NACC2: variants seen among roughly 807,000 people sequenced by gnomAD.
NACC2 encodes the protein NACC family member 2, also known as nucleus accumbens-associated protein 2.
A neutral mutation model predicts 25.1 loss-of-function variants in NACC2; 8 were observed. The observed-to-expected ratio is 0.32, with a 90% CI of 0.19 to 0.57. NACC2 has a LOEUF of 0.57. Ranked by LOEUF, NACC2 falls within the 20% of genes least tolerant of loss-of-function variation. The pLI is 0.89. For missense variants in NACC2, 644 were observed against 650.2 expected, an observed-to-expected ratio of 0.99 and a Z score of 0.10; for synonymous variants, 435 against 294.7, an observed-to-expected ratio of 1.48 and a Z score of -4.88.
At chr9:136,072,770 A>C (rs1467044666) in intron 1 of NACC2, among the ~76,000 whole-genome samples, 1 of 152,154 alleles carries the variant, frequency 6.6e-6, no homozygotes, top group Non-Finnish European at 1.5e-5. Context: ...GAACCACTTG[A>C]ACTCAGGAGG....
chr9:136,079,665 G>A (rs11103317), intron 1 of NACC2, among the ~76,000 whole-genome samples: 127,809 of 152,210 alleles, frequency 0.84, 54,076 homozygotes, highest in East Asian at 0.99. Flanking sequence ...TGCCGTGGCC[G>A]GCACTCCCCG....
At chr9:136,081,297 T>C (rs894304778) in intron 1 of NACC2, among the ~76,000 whole-genome samples, 2 of 151,986 alleles carry the variant, frequency 1.3e-5, no homozygotes, top group Non-Finnish European at 2.9e-5. Flanking sequence ...GCTTGAACTG[T>C]AGAGTAACCG....
At position 136,050,087 on chromosome 9, in the gene NACC2, G is replaced by A. The variant is rs1840797022; in HGVS notation, c.435C>T (p.Pro145=). ...IEDAGSEPQS[P]CNQLQPAAAA... ...CGGCGGCCGGCTGCAGCTGGTTGCA[G>A]GGGCTCTGGGGCTCGGAGCCGGCGT... The change falls in exon 2 of 6, where the codon CCC becomes CCT. Residue 145 remains proline (P), a synonymous_variant. Coordinates refer to ENST00000277554, the MANE Select transcript of NACC2 (RefSeq NM_144653.5). 5.4e-6 allele frequency: 4 copies of A among 746,530 alleles called. No individual in the cohort carries two copies. The highest frequency in any genetic ancestry group is 4.9e-5 in the East Asian group (2 of 40,466). The allele number at this position is 746,530 out of a possible 1,614,324, so 46.2% of individuals were successfully genotyped here. A position where few individuals can be genotyped will look rare whatever the true frequency, so the allele number is the denominator to read the frequency against.
In NACC2 at chr9:136,049,947, G is replaced by A. The variant is rs1175687726; in HGVS notation, c.575C>T (p.Pro192Leu). Residue 192 changes from proline (P) to leucine (L), a missense_variant, in exon 2 of 6, where the codon CCG becomes CTG. Pro to Leu is a moderately conservative substitution (Grantham distance 98, BLOSUM62 -3). Coordinates refer to ENST00000277554, the MANE Select transcript of NACC2 (RefSeq NM_144653.5). ...GCCGTCCCGGGGCCCCGTCTCCAGC[G>A]GGCGCTTGGGGGCCAGGCCTGGGCC... is the stretch of plus-strand genomic sequence containing the variant. ...PAGPGLAPKR[P>L]LETGPRDGVA... is the part of the protein sequence containing the mutation. 6 of 585,238 alleles carry A rather than the reference G, an allele frequency of 1.0e-5. No individual in the cohort carries two copies. The highest frequency in any genetic ancestry group is 9.0e-5 in the East Asian group (3 of 33,270). 36.3% of individuals were successfully genotyped at this position (585,238 alleles called of 1,614,324 possible). A position where few individuals can be genotyped will look rare whatever the true frequency, so the allele number is the denominator to read the frequency against.
chr9:136,056,919 G>T (rs376075642), intron 1 of NACC2, among the ~76,000 whole-genome samples: 1 of 152,216 alleles, frequency 6.6e-6, no homozygotes, highest in African/African-American at 2.4e-5. Context: ...ACAATTCCGT[G>T]TATCAGCCCT....
At position 136,011,957 on chromosome 9, in the gene NACC2, G is replaced by A. The variant is rs745480538; in HGVS notation, c.1323C>T (p.Cys441=). 6.2e-7 allele frequency: 1 copy of A among 1,606,072 alleles called. No homozygotes were observed. The highest frequency in any genetic ancestry group is 1.1e-5 in the South Asian group (1 of 90,312). The part of the protein sequence containing the change: ...SEMNVIAADM[C]TNARRVRKRW... ...GCTTGCGAACGCGGCGGGCGTTGGTGCACATGTCCGCGGCGATCACGTTCA... is the reference window on the plus strand; with the variant it reads ...GCTTGCGAACGCGGCGGGCGTTGGTACACATGTCCGCGGCGATCACGTTCA... The change falls in exon 6 of 6, where the codon TGC becomes TGT. Residue 441 remains cysteine (C), a synonymous_variant. Transcript: ENST00000277554.
rs1830363335 is a variant in NACC2 at position 136,084,968 on chromosome 9, G to T, written c.-60+10221C>A. Among the ~76,000 whole-genome samples, 1 of 152,146 alleles carries T rather than the reference G, an allele frequency of 6.6e-6. No homozygotes were observed. The highest frequency in any genetic ancestry group is 2.4e-5 in the African/African-American group (1 of 41,426). On this transcript the variant is annotated intron_variant, in intron 1 of 5. Transcript: ENST00000277554. The surrounding 1 kb of genome is among the most constrained non-coding windows in gnomAD (Gnocchi z 5.1). ...TGTGTCTAATGGGGAAAGGGGTTCA[G>T]TTTGGGCAGATGAAACAGTTCTAGA...
At chr9:136,036,804 G>A (rs1317047510) in intron 2 of NACC2, among the ~76,000 whole-genome samples, 2 of 152,102 alleles carry the variant, frequency 1.3e-5, no homozygotes, top group Non-Finnish European at 2.9e-5. Flanking sequence ...ACTTCTAGAG[G>A]GTAAGGGGCA....
intron 1 of NACC2, among the ~76,000 whole-genome samples, chr9:136,083,467 G>A (rs1830346340): frequency 6.6e-6 from 1 of 152,228 alleles, no homozygotes; most frequent in African/African-American, 2.4e-5. Context: ...CCCCAAACTC[G>A]AATGTGACTG....
intron 1 of NACC2, among the ~76,000 whole-genome samples, chr9:136,087,070 G>A (rs1830386883): frequency 6.6e-6 from 1 of 152,258 alleles, no homozygotes; most frequent in Admixed American, 6.5e-5. Flanking sequence ...GGACACAGAT[G>A]CACAGAAGGA....
intron 2 of NACC2, among the ~76,000 whole-genome samples, chr9:136,023,103 AGGGAGGAGGGAGG>A (rs1564220770): frequency 5.0e-5 from 3 of 59,992 alleles, no homozygotes; most frequent in African/African-American, 6.6e-5. Context: ...GGGAAGAGGG[AGGGAGGAGGGAGG>A]GGGAGGAGGG....
At position 136,022,008 on chromosome 9, in the gene NACC2, G is replaced by A. The variant is rs989731625; in HGVS notation, c.887-5579C>T. Among the ~76,000 whole-genome samples the A allele has an allele frequency of 1.4e-4, 21 of 152,292 alleles. No homozygotes were observed. Among genetic ancestry groups the A allele is most frequent in the Admixed American group, 1.2e-3 (19 of 15,300 alleles). ...GAGCCATTGTGAATGAGGAAAGGTC[G>A]GGCTACACACCTGTCCCCACGGGGG... On this transcript the variant is annotated intron_variant, in intron 2 of 5. Transcript: ENST00000277554. This position sits in a 1 kb window ranked among gnomAD's most constrained non-coding sequence, Gnocchi z 4.4.
chr9:136,011,356 TTTCC>T lies in NACC2; in HGVS notation c.*156_*159del. On this transcript the variant is annotated 3_prime_UTR_variant, in exon 6 of 6. Transcript: ENST00000277554. The stretch of plus-strand genomic sequence containing the variant: ...GTTTACAGTATAATGAATGCATTTG[TTTCC>T]TTCATCAATTTTAAATACAAGCAGA... 2 of 827,048 alleles carry T rather than the reference TTTCC, an allele frequency of 2.4e-6. No individual in the cohort carries two copies. Among genetic ancestry groups the T allele is most frequent in the Non-Finnish European group, 3.3e-6 (2 of 604,466 alleles). The allele number at this position is 827,048 out of a possible 1,614,324, so 51.2% of individuals were successfully genotyped here.
intron 1 of NACC2, among the ~76,000 whole-genome samples, chr9:136,068,659 A>C (rs11515614): frequency 0.21 from 32,176 of 151,688 alleles, 4,342 homozygotes; most frequent in Middle Eastern, 0.34. Flanking sequence ...TATACTAAAA[A>C]CCACTAAATT....
chr9:136,041,042 G>GA lies in NACC2; in HGVS notation c.886+8593_886+8594insT, dbSNP rs1840620465. On this transcript the variant is annotated intron_variant, in intron 2 of 5. Coordinates refer to ENST00000277554, the MANE Select transcript of NACC2 (RefSeq NM_144653.5). ...AAGGAAAGGAAAGAAGGAAAGAAAAGGAAGGAAGGAAGGAAGGAAAGGAAG... is the reference window on the plus strand; with the variant it reads ...AAGGAAAGGAAAGAAGGAAAGAAAAGAGAAGGAAGGAAGGAAGGAAAGGAAG... Among the ~76,000 whole-genome samples the GA allele has an allele frequency of 2.7e-3, 388 of 145,652 alleles. 6 individuals are homozygous for GA. The South Asian group carries it at 0.043, about 16-fold the overall frequency.
At chr9:136,060,706 G>A (rs1334780715) in intron 1 of NACC2, among the ~76,000 whole-genome samples, 3 of 152,254 alleles carry the variant, frequency 2.0e-5, no homozygotes, top group Non-Finnish European at 4.4e-5. Flanking sequence ...GCTCCCAGGT[G>A]AAGAGCGTGA....
In NACC2 at chr9:136,055,543, C is replaced by G. The variant is rs921531157; in HGVS notation, c.-59-4963G>C. On this transcript the variant is annotated intron_variant, in intron 1 of 5. Transcript: ENST00000277554. The surrounding 1 kb of genome is among the most constrained non-coding windows in gnomAD (Gnocchi z 4.9). ...TCCCCAGAAACCCTGCCCCCTCCAC[C>G]CCTAGATTGTAAAGCACTTTCTAAG... Among the ~76,000 whole-genome samples, 4 of 152,170 alleles carry G rather than the reference C, an allele frequency of 2.6e-5. No individual in the cohort carries two copies. Among genetic ancestry groups the G allele is most frequent in the Non-Finnish European group, 5.9e-5 (4 of 68,034 alleles).
At chr9:136,040,542 T>C (rs1166459037) in intron 2 of NACC2, among the ~76,000 whole-genome samples, 1 of 152,080 alleles carries the variant, frequency 6.6e-6, no homozygotes, top group Non-Finnish European at 1.5e-5. Context: ...CTGTAAAGAC[T>C]TGTACCTAAA....
At chr9:136,077,236 CAGG>C (rs1830273098) in intron 1 of NACC2, among the ~76,000 whole-genome samples, 1 of 151,970 alleles carries the variant, frequency 6.6e-6, no homozygotes, top group Admixed American at 6.6e-5. Flanking sequence ...GAGGCTGAGG[CAGG>C]AGAATTGCTT....
Sources: allele counts gnomAD v4.1 joint callset (sites outside exome capture counted in the v4.1 genomes callset), GRCh38; gene constraint gnomAD v4.1.1; non-coding constraint Gnocchi (gnomAD v3.1); transcripts MANE v1.5; gene names NCBI Gene and HGNC (gene_info 2026-07-23, HGNC 2026-07-21).